ZKSCAN1: variants seen among roughly 807,000 people sequenced by gnomAD.
The protein encoded by ZKSCAN1 is zinc finger protein with KRAB and SCAN domains 1.
ZKSCAN1 carries 14 observed loss-of-function variants against 51.6 expected under a neutral mutation model. The observed-to-expected ratio is 0.27, with a 90% CI of 0.18 to 0.42. The LOEUF (loss-of-function observed/expected upper bound fraction) is 0.42, where lower values mean the gene tolerates loss of function less well. Among genes scored for constraint, ZKSCAN1 ranks in the 10% least tolerant of loss-of-function variants. The pLI is 1.00. For synonymous variants in ZKSCAN1, 263 were observed against 261.5 expected, an observed-to-expected ratio of 1.01 and a Z score of -0.06; for missense variants, 531 against 710.0, an observed-to-expected ratio of 0.75 and a Z score of 2.86.
rs556996087 is a variant in ZKSCAN1, at chr7:100,034,571, C to G, written c.*374C>G. The stretch of plus-strand genomic sequence containing the variant: ...CAAGATTGGCTCCACGAAAGTGATA[C>G]GGAGGTTAGGATGCTACTTGCTGCA... On this transcript the variant is annotated 3_prime_UTR_variant, in exon 6 of 6. Coordinates refer to ENST00000324306, the MANE Select transcript of ZKSCAN1 (RefSeq NM_003439.4). The G allele has an allele frequency of 2.0e-6, 2 of 1,001,590 alleles. No individual in the cohort carries two copies. The highest frequency in any genetic ancestry group is 2.4e-6 in the Non-Finnish European group (2 of 840,358). 62.0% of individuals were successfully genotyped at this position (1,001,590 alleles called of 1,614,324 possible).
At chr7:100,025,303 CAG>C (rs1004856225) in intron 3 of ZKSCAN1, among the ~76,000 whole-genome samples, 7 of 130,052 alleles carry the variant, frequency 5.4e-5, no homozygotes, top group South Asian at 2.4e-4. Context: ...GCCTGGGTGA[CAG>C]AGAGTCTGTT....
downstream of ZKSCAN1, among the ~76,000 whole-genome samples, chr7:100,044,327 T>C (rs1008215440): frequency 1.3e-5 from 2 of 152,130 alleles, no homozygotes; most frequent in African/African-American, 4.8e-5. Context: ...GTGGTTCCTG[T>C]ATTTATTAGG....
At chr7:100,029,822 C>T (rs760696034) in intron 3 of ZKSCAN1, 39 bp from the exon 4 acceptor site, 24 of 1,590,536 alleles carry the variant, frequency 1.5e-5, no homozygotes, top group Admixed American at 1.7e-5. Context: ...AGGCTCAGAG[C>T]GGAGCTGATT....
At position 100,034,090 on chromosome 7, in the gene ZKSCAN1, A is replaced by G. The variant is rs1406650218; in HGVS notation, c.1585A>G (p.Ser529Gly). The G allele has an allele frequency of 1.2e-6, 2 of 1,611,786 alleles. No individual in the cohort carries two copies. The highest frequency in any genetic ancestry group is 1.1e-5 in the South Asian group (1 of 90,836). ...TAAGTGTGGCAAGGCCTTCACCCGC[A>G]GCTCCACCCTCACTCTGCATCACAG... Reference protein sequence around the residue: ...CTKCGKAFTRSSTLTLHHRIH... With the variant: ...CTKCGKAFTRGSTLTLHHRIH... The change falls in exon 6 of 6, where the codon AGC (serine) becomes GGC (glycine). Residue 529 changes from serine (S) to glycine (G), a missense_variant. Physicochemically the swap from Ser to Gly is moderately conservative, Grantham distance 56 (BLOSUM62 0). Coordinates refer to ENST00000324306, the MANE Select transcript of ZKSCAN1 (RefSeq NM_003439.4).
In ZKSCAN1 at chr7:100,040,111, A is replaced by G; in HGVS notation, c.*5914A>G. 2.1e-6 allele frequency: 2 copies of G among 949,882 alleles called. No homozygotes were observed. Among genetic ancestry groups the G allele is most frequent in the Non-Finnish European group, 2.5e-6 (2 of 797,682 alleles). The allele number at this position is 949,882 out of a possible 1,614,324, so 58.8% of individuals were successfully genotyped here. ...AGCTTTGTGAAACAAACTTGAAGTT[A>G]TAGGGAGGTAAGCCATCTCCAACTC... On this transcript the variant is annotated 3_prime_UTR_variant, in exon 6 of 6. Transcript: ENST00000324306.
At chr7:100,018,435 C>T (rs569126747) in intron 1 of ZKSCAN1, among the ~76,000 whole-genome samples, 4 of 150,288 alleles carry the variant, frequency 2.7e-5, no homozygotes, top group East Asian at 2.0e-4. Context: ...GACAGAGTCT[C>T]GCTCTGTCAC....
At chr7:100,026,522 G>A (rs904239443) in intron 3 of ZKSCAN1, among the ~76,000 whole-genome samples, 2 of 152,128 alleles carry the variant, frequency 1.3e-5, no homozygotes, top group Non-Finnish European at 2.9e-5. Context: ...GAGGCCAGGA[G>A]TCTCAGACTG....
At chr7:100,042,338 A>AAGG (rs1554355805), downstream of ZKSCAN1, among the ~76,000 whole-genome samples, 1 of 139,112 alleles carries the variant, frequency 7.2e-6, no homozygotes, top group East Asian at 2.1e-4. Flanking sequence ...AAAAAAAAAA[A>AAGG]GGTGAACTGG....
Position 100,023,662 on chromosome 7 carries a change from A to T in ZKSCAN1, c.156A>T (p.Pro52=). ...STLQDTPPPD[P]EIFRQRFRRF... The stretch of plus-strand genomic sequence containing the variant: ...TACAGGACACGCCTCCTCCAGACCC[A>T]GAGATATTCCGCCAACGCTTCAGGC... The change falls in exon 2 of 6, where the codon CCA becomes CCT. Residue 52 remains proline, a synonymous_variant. Coordinates refer to ENST00000324306, the MANE Select transcript of ZKSCAN1 (RefSeq NM_003439.4). The T allele has an allele frequency of 6.2e-7, 1 of 1,614,200 alleles. No individual in the cohort carries two copies. The highest frequency in any genetic ancestry group is 8.5e-7 in the Non-Finnish European group (1 of 1,180,052).
At chr7:100,024,343 G>T in intron 3 of ZKSCAN1, 36 bp downstream of exon 3, 1 of 1,608,026 alleles carries the variant, frequency 6.2e-7, no homozygotes, top group South Asian at 1.1e-5. Flanking sequence ...GAAGGGAAAT[G>T]ATTCAGGACG....
intron 1 of ZKSCAN1, among the ~76,000 whole-genome samples, chr7:100,020,701 C>A (rs746000730): frequency 1.3e-5 from 2 of 152,072 alleles, no homozygotes; most frequent in Non-Finnish European, 1.5e-5. Context: ...TGTACATGAT[C>A]CCTTTTTCAC....
intron 1 of ZKSCAN1, among the ~76,000 whole-genome samples, chr7:100,021,310 C>T (rs1331680013): frequency 1.3e-5 from 2 of 151,446 alleles, no homozygotes; most frequent in East Asian, 1.9e-4. Flanking sequence ...TTAGTAGAGA[C>T]GGGGTTTCAC....
Position 100,040,759 on chromosome 7 carries a change from A to G in ZKSCAN1, c.*6562A>G, listed in dbSNP as rs553340311. ...GCTGTTGGGGTGTGCTGGGGTTGGT[A>G]CCCGAGCGCCTTCCCCTCACCTCAA... is the stretch of plus-strand genomic sequence containing the variant. On this transcript the variant is annotated 3_prime_UTR_variant, in exon 6 of 6. Transcript: ENST00000324306. 7 of 985,448 alleles carry G rather than the reference A, an allele frequency of 7.1e-6. No individual in the cohort carries two copies. In the South Asian group the frequency reaches 2.8e-4, roughly 40 times the overall value. The allele number at this position is 985,448 out of a possible 1,614,324, so 61.0% of individuals were successfully genotyped here. A position where few individuals can be genotyped will look rare whatever the true frequency, so the allele number is the denominator to read the frequency against.
chr7:100,043,902 G>A (rs1356774164), downstream of ZKSCAN1, among the ~76,000 whole-genome samples: 4 of 145,850 alleles, frequency 2.7e-5, no homozygotes, highest in African/African-American at 7.6e-5. Flanking sequence ...TCAGCCTCCC[G>A]AGTAGCTGGG....
At position 100,037,702 on chromosome 7, in the gene ZKSCAN1, A is replaced by G; in HGVS notation, c.*3505A>G. 1 of 985,444 alleles carries G rather than the reference A, an allele frequency of 1.0e-6. No individual in the cohort carries two copies. Among genetic ancestry groups the G allele is most frequent in the Non-Finnish European group, 1.2e-6 (1 of 829,938 alleles). 61.0% of individuals were successfully genotyped at this position (985,444 alleles called of 1,614,324 possible). ...CGTCGGTATGTTCCAATCGTGATGA[A>G]TTTGAGAAACATTGCAAGAGGGAGC... On this transcript the variant is annotated 3_prime_UTR_variant, in exon 6 of 6. Coordinates refer to ENST00000324306, the MANE Select transcript of ZKSCAN1 (RefSeq NM_003439.4).
In ZKSCAN1 at chr7:100,039,405, C is replaced by G. The variant is rs1245904964; in HGVS notation, c.*5208C>G. ...GGAATTGTGTGCAGATGCATCCAGTCGTGGCATTGCAAGAAGTCTGTCTGA... is the reference window on the plus strand; with the variant it reads ...GGAATTGTGTGCAGATGCATCCAGTGGTGGCATTGCAAGAAGTCTGTCTGA... On this transcript the variant is annotated 3_prime_UTR_variant, in exon 6 of 6. Transcript: ENST00000324306. 2 of 985,210 alleles carry G rather than the reference C, an allele frequency of 2.0e-6. No homozygotes were observed. Among genetic ancestry groups the G allele is most frequent in the Admixed American group, 6.2e-5 (1 of 16,252 alleles). The allele number at this position is 985,210 out of a possible 1,614,324, so 61.0% of individuals were successfully genotyped here. A position where few individuals can be genotyped will look rare whatever the true frequency, so the allele number is the denominator to read the frequency against.
chr7:100,039,393 G>A lies in ZKSCAN1; in HGVS notation c.*5196G>A. On this transcript the variant is annotated 3_prime_UTR_variant, in exon 6 of 6. Coordinates refer to ENST00000324306, the MANE Select transcript of ZKSCAN1 (RefSeq NM_003439.4). ...TGGGCATTTCCCGGAATTGTGTGCA[G>A]ATGCATCCAGTCGTGGCATTGCAAG... The A allele has an allele frequency of 1.0e-6, 1 of 985,402 alleles. No homozygotes were observed. The highest frequency in any genetic ancestry group is 1.2e-6 in the Non-Finnish European group (1 of 829,956). The allele number at this position is 985,402 out of a possible 1,614,324, so 61.0% of individuals were successfully genotyped here. A position where few individuals can be genotyped will look rare whatever the true frequency, so the allele number is the denominator to read the frequency against.
Position 100,035,857 on chromosome 7 carries a change from G to T in ZKSCAN1, c.*1660G>T, listed in dbSNP as rs1269371788. ...GACTGTTTCACACACAGGAGATTGT[G>T]AGCTGTGTAAGTAGTCATCGCCACT... On this transcript the variant is annotated 3_prime_UTR_variant, in exon 6 of 6. Transcript: ENST00000324306. The T allele has an allele frequency of 1.3e-5, 13 of 985,260 alleles. No individual in the cohort carries two copies. The highest frequency in any genetic ancestry group is 1.6e-5 in the Non-Finnish European group (13 of 829,942). The allele number at this position is 985,260 out of a possible 1,614,324, so 61.0% of individuals were successfully genotyped here. A position where few individuals can be genotyped will look rare whatever the true frequency, so the allele number is the denominator to read the frequency against.
Position 100,024,279 on chromosome 7 carries a change from T to C in ZKSCAN1, c.552T>C (p.Ser184=), listed in dbSNP as rs1229566301. The C allele has an allele frequency of 6.2e-7, 1 of 1,613,868 alleles. No homozygotes were observed. Among genetic ancestry groups the C allele is most frequent in the African/African-American group, 1.3e-5 (1 of 74,848 alleles). ...CCCAGTCCCACTTCAAACATTCGTC[T>C]CGGAAACCCCGCCTCTTACAGTCAC... ...EATQSHFKHS[S]RKPRLLQSRA... The change falls in exon 3 of 6, where the codon TCT becomes TCC. Residue 184 remains serine, a synonymous_variant. Coordinates refer to ENST00000324306, the MANE Select transcript of ZKSCAN1 (RefSeq NM_003439.4).
Sources: gnomAD v4.1 joint callset for allele counts (sites outside exome capture counted in the v4.1 genomes callset) on GRCh38, gnomAD v4.1.1 for gene constraint, MANE v1.5 for transcripts, NCBI Gene and HGNC (gene_info 2026-07-23, HGNC 2026-07-21) for gene names.